MICU3: variants seen among roughly 807,000 people sequenced by gnomAD.
MICU3 encodes the protein calcium uptake protein 3, mitochondrial.
MICU3 carries 62 observed loss-of-function variants against 66.5 expected under a neutral mutation model. That is an observed-to-expected ratio of 0.93 (90% CI 0.76 to 1.15). The LOEUF is 1.15. Ranked by LOEUF, MICU3 falls within the 50% of genes most tolerant of loss-of-function variation. The probability of loss-of-function intolerance (pLI) is 0.00; values close to 1 mark genes in which losing one functional copy is unlikely to be tolerated. For missense variants in MICU3, 779 were observed against 664.4 expected, an observed-to-expected ratio of 1.17 and a Z score of -1.90; for synonymous variants, 308 against 240.7, an observed-to-expected ratio of 1.28 and a Z score of -2.59.
In MICU3 at chr8:17,114,181, C is replaced by A. The variant is rs1802475397; in HGVS notation, c.1346C>A (p.Ala449Glu). 6.2e-7 allele frequency: 1 copy of A among 1,607,122 alleles called. No individual in the cohort carries two copies. The highest frequency in any genetic ancestry group is 1.3e-5 in the African/African-American group (1 of 74,714). The change falls in exon 12 of 15, where the codon GCA (alanine) becomes GAA (glutamate). Residue 449 changes from alanine to glutamate, a missense_variant. Physicochemically the swap from Ala to Glu is moderately radical, Grantham distance 107. Transcript: ENST00000318063. ...FAIALNMYNF[A>E]SRSIGQDEFK... is the part of the protein sequence containing the mutation. ...ATAGCCCTGAATATGTATAACTTTG[C>A]AAGTCGTTCTATAGGGCAAGGTAAG...
Position 17,114,120 on chromosome 8 carries a change from T to C in MICU3, c.1285T>C (p.Phe429Leu). 1 of 1,610,474 alleles carries C rather than the reference T, an allele frequency of 6.2e-7. No individual in the cohort carries two copies. The highest frequency in any genetic ancestry group is 1.1e-5 in the South Asian group (1 of 90,358). The part of the protein sequence containing the change: ...KGITFDEFRS[F>L]FQFLNNLEDF... ...CATCACATTTGATGAATTCAGGTCA[T>C]TTTTCCAGTTTTTAAACAACCTAGA... Residue 429 changes from phenylalanine to leucine, a missense_variant, in exon 12 of 15, where the codon TTT becomes CTT. Coordinates refer to ENST00000318063, the MANE Select transcript of MICU3 (RefSeq NM_181723.3).
downstream of MICU3, among the ~76,000 whole-genome samples, chr8:17,124,316 C>T (rs760702294): frequency 3.8e-4 from 58 of 152,174 alleles, no homozygotes; most frequent in Non-Finnish European, 7.2e-4. Flanking sequence ...GCTTGTTTGT[C>T]TACCTTTTAT....
intron 1 of MICU3, among the ~76,000 whole-genome samples, chr8:17,043,115 A>G (rs938365040): frequency 2.0e-5 from 3 of 150,550 alleles, no homozygotes; most frequent in Non-Finnish European, 4.4e-5. Context: ...AATTTTTTGT[A>G]TTTTTAGTAG....
At chr8:17,051,415 G>A (rs1030267128) in intron 1 of MICU3, among the ~76,000 whole-genome samples, 11 of 152,114 alleles carry the variant, frequency 7.2e-5, no homozygotes, top group African/African-American at 2.7e-4. Flanking sequence ...AATTTATATT[G>A]TGGAATGCAG....
At chr8:17,092,065 A>G (rs192160723) in intron 8 of MICU3, among the ~76,000 whole-genome samples, 1 of 151,960 alleles carries the variant, frequency 6.6e-6, no homozygotes, top group Non-Finnish European at 1.5e-5. Flanking sequence ...TTTAGTAGAG[A>G]TTGGGTTTCA....
Position 17,105,510 on chromosome 8 carries a change from C to A in MICU3, c.1183C>A (p.Leu395Ile). ...CAGTGAAGAAGATTTTGCTCATATTCTTTTACGATATACAAATGTGGAAAA... is the reference window on the plus strand; with the variant it reads ...CAGTGAAGAAGATTTTGCTCATATTATTTTACGATATACAAATGTGGAAAA... ...TISEEDFAHI[L>I]LRYTNVENTS... Residue 395 changes from leucine (L) to isoleucine (I), a missense_variant, in exon 11 of 15, where the codon CTT (leucine) becomes ATT (isoleucine). Physicochemically the swap from Leu to Ile is conservative, Grantham distance 5. Coordinates refer to ENST00000318063, the MANE Select transcript of MICU3 (RefSeq NM_181723.3). The A allele has an allele frequency of 2.5e-6, 4 of 1,578,222 alleles. No individual in the cohort carries two copies. The highest frequency in any genetic ancestry group is 3.5e-6 in the Non-Finnish European group (4 of 1,158,292).
In MICU3 at chr8:17,088,369, C is replaced by A. The variant is rs554915295; in HGVS notation, c.849+1334C>A. ...TAATTAATAAATCCTACATGAATAGCCCCATAATTGCAACTGTTTAGAGTA... is the reference window on the plus strand; with the variant it reads ...TAATTAATAAATCCTACATGAATAGACCCATAATTGCAACTGTTTAGAGTA... On this transcript the variant is annotated intron_variant, in intron 7 of 14. Transcript: ENST00000318063. Among the ~76,000 whole-genome samples the A allele has an allele frequency of 1.0e-3, 157 of 152,004 alleles. 2 individuals carry two copies. The South Asian group carries it at 0.03, about 29-fold the overall frequency.
At chr8:17,067,365 C>G (rs745365968) in intron 2 of MICU3, among the ~76,000 whole-genome samples, 3 of 151,996 alleles carry the variant, frequency 2.0e-5, no homozygotes, top group Non-Finnish European at 4.4e-5. Flanking sequence ...AGTATAGTAC[C>G]TGGCACACAG....
At chr8:17,046,229 G>A (rs1287959796) in intron 1 of MICU3, among the ~76,000 whole-genome samples, 1 of 152,086 alleles carries the variant, frequency 6.6e-6, no homozygotes, top group Non-Finnish European at 1.5e-5. Flanking sequence ...TTAACCTGTG[G>A]GATCTAGCAC....
At chr8:17,087,158 G>C in intron 7 of MICU3, 123 bp downstream of exon 7, 2 of 643,230 alleles carry the variant, frequency 3.1e-6, no homozygotes. Flanking sequence ...ACTTTGTAAA[G>C]TTTTTATGTA....
Position 17,116,537 on chromosome 8 carries a change from T to C in MICU3, c.1461T>C (p.Asp487=). 6.4e-7 allele frequency: 1 copy of C among 1,567,808 alleles called. No homozygotes were observed. Among genetic ancestry groups the C allele is most frequent in the South Asian group, 1.2e-5 (1 of 82,574 alleles). Residue 487 remains aspartate, a synonymous_variant, in exon 13 of 15, where the codon GAT becomes GAC. Transcript: ENST00000318063. ...TCAAGATTTTTGATGTTGACAAAGA[T>C]GATCAATTAAGTTATAAAGAATTTA... ...TVFKIFDVDK[D]DQLSYKEFIG... is the part of the protein sequence containing the mutation.
At chr8:17,088,747 A>G (rs1799734066) in intron 7 of MICU3, among the ~76,000 whole-genome samples, 1 of 151,962 alleles carries the variant, frequency 6.6e-6, no homozygotes. Context: ...ATAAAGGGAG[A>G]TAAAAAAGAG....
intron 1 of MICU3, among the ~76,000 whole-genome samples, chr8:17,036,917 TG>T (rs922331339): frequency 6.6e-6 from 1 of 152,116 alleles, no homozygotes; most frequent in Non-Finnish European, 1.5e-5. Context: ...ACGGAGTGGG[TG>T]GGAGGCTCAG....
chr8:17,073,336 C>A (rs796846513), intron 3 of MICU3, among the ~76,000 whole-genome samples: 6 of 152,070 alleles, frequency 3.9e-5, no homozygotes, highest in African/African-American at 1.4e-4. Flanking sequence ...AGATCAGTGG[C>A]AGCATTAGAT....
intron 11 of MICU3, among the ~76,000 whole-genome samples, chr8:17,111,219 T>C (rs1239181589): frequency 2.0e-5 from 3 of 152,220 alleles, no homozygotes; most frequent in African/African-American, 7.2e-5. Flanking sequence ...TTTGTACATG[T>C]TCTTTATATA....
At chr8:17,137,627 A>T in the MICU3 span, among the ~76,000 whole-genome samples, 4 of 151,160 alleles carry the variant, frequency 2.6e-5, no homozygotes, top group African/African-American at 9.7e-5. Context: ...CCAGTATCCA[A>T]GTGTGTAAGT....
the MICU3 span, chr8:17,132,852 G>T: frequency 1.3e-5 from 2 of 152,300 alleles, no homozygotes; most frequent in Admixed American, 6.5e-5. Context: ...AATCACAAAC[G>T]TAATAGTATT....
In MICU3 at chr8:17,120,561, T is replaced by C. The variant is rs1324702792; in HGVS notation, c.*274T>C. The C allele has an allele frequency of 1.3e-5, 2 of 152,322 alleles. No individual in the cohort carries two copies. The highest frequency in any genetic ancestry group is 2.9e-5 in the Non-Finnish European group (2 of 67,956). 9.4% of individuals were successfully genotyped at this position (152,322 alleles called of 1,614,324 possible). Reference sequence around the variant, plus strand: ...CACTTTTTCATTCCCTTCAGAAGTATATAGATACTTCCGGTGACTACATAT... The same window carrying C: ...CACTTTTTCATTCCCTTCAGAAGTACATAGATACTTCCGGTGACTACATAT... On this transcript the variant is annotated 3_prime_UTR_variant, in exon 15 of 15. Transcript: ENST00000318063.
At chr8:17,049,165 A>C (rs1018816662) in intron 1 of MICU3, among the ~76,000 whole-genome samples, 1 of 152,146 alleles carries the variant, frequency 6.6e-6, no homozygotes, top group Non-Finnish European at 1.5e-5. Flanking sequence ...TCAAGTAAAA[A>C]TTTTAACCCA....
Sources: gnomAD v4.1 joint callset for allele counts (sites outside exome capture counted in the v4.1 genomes callset) on GRCh38, gnomAD v4.1.1 for gene constraint, MANE v1.5 for transcripts, NCBI Gene and HGNC (gene_info 2026-07-23, HGNC 2026-07-21) for gene names.